NOS2: variants seen among roughly 807,000 people sequenced by gnomAD.
NOS2 encodes nitric oxide synthase 2.
Under a neutral mutation model 136.0 loss-of-function variants are expected in NOS2, and 96 were observed. That is an observed-to-expected ratio of 0.71 (90% confidence interval 0.60 to 0.84). The LOEUF (loss-of-function observed/expected upper bound fraction) is 0.84, where lower values mean the gene tolerates loss of function less well. Ranked by LOEUF, NOS2 falls within the 40% of genes least tolerant of loss-of-function variation. NOS2 has a pLI of 0.00. For missense variants in NOS2, 1,237 were observed against 1,496.9 expected, an observed-to-expected ratio of 0.83 and a Z score of 2.87; for synonymous variants, 539 against 587.5, an observed-to-expected ratio of 0.92 and a Z score of 1.20.
At chr17:27,770,505 T>A (rs558904849) in intron 15 of NOS2, among the ~76,000 whole-genome samples, 2 of 151,260 alleles carry the variant, frequency 1.3e-5, no homozygotes, top group South Asian at 4.2e-4. Flanking sequence ...AATAAATAAA[T>A]AAACAAACAA....
At chr17:27,767,000 CAAAAAAA>C (rs11428460) in intron 18 of NOS2, among the ~76,000 whole-genome samples, 1 of 42,790 alleles carries the variant, frequency 2.3e-5, no homozygotes, top group Non-Finnish European at 4.5e-5. Flanking sequence ...GACTCCGTCT[CAAAAAAA>C]AAAAAAAAAA....
intron 2 of NOS2, chr17:27,793,785 G>C (rs1157856201): frequency 2.6e-6 from 1 of 380,964 alleles, no homozygotes; most frequent in Non-Finnish European, 4.7e-6. Flanking sequence ...CCGCCCCGGG[G>C]GCGGGGCGAG....
chr17:27,777,566 G>C (rs1369935613), intron 11 of NOS2, among the ~76,000 whole-genome samples: 1 of 152,192 alleles, frequency 6.6e-6, no homozygotes, highest in Non-Finnish European at 1.5e-5. Flanking sequence ...GTCAGACAAG[G>C]ACTGAAGACC....
In NOS2 at chr17:27,778,982, C is replaced by A; in HGVS notation, c.1079G>T (p.Gly360Val). 2 of 1,612,746 alleles carry A rather than the reference C, an allele frequency of 1.2e-6. No homozygotes were observed. The highest frequency in any genetic ancestry group is 1.3e-5 in the African/African-American group (1 of 74,998). Residue 360 changes from glycine (G) to valine (V), a missense_variant, in exon 10 of 27, where the codon GGC (glycine) becomes GTC (valine). Gly to Val is a moderately radical substitution (Grantham distance 109, BLOSUM62 -3). Transcript: ENST00000313735. ...PAVANMLLEV[G>V]GLEFPGCPFN... The stretch of plus-strand genomic sequence containing the variant: ...GGGGCACCCTGGGAACTCCAGGCCG[C>A]CCACCTCAAGCAGCATGTTGGCCAC...
chr17:27,793,271 T>C (rs1024300353), intron 2 of NOS2, among the ~76,000 whole-genome samples: 1 of 152,148 alleles, frequency 6.6e-6, no homozygotes, highest in Non-Finnish European at 1.5e-5. Flanking sequence ...TTAACCATAT[T>C]TGATCCAAAG....
intron 17 of NOS2, among the ~76,000 whole-genome samples, chr17:27,768,483 T>C (rs185957830): frequency 2.7e-4 from 41 of 152,324 alleles, no homozygotes; most frequent in Middle Eastern, 6.8e-3. Context: ...CCTGCCCCGA[T>C]GCAAGCTGAT....
chr17:27,779,618 T>C (rs768841240), intron 9 of NOS2, among the ~76,000 whole-genome samples: 5 of 152,202 alleles, frequency 3.3e-5, no homozygotes, highest in Non-Finnish European at 2.9e-5. Flanking sequence ...AAATTATGCA[T>C]TCATGCACTC....
rs776263219 is a variant in NOS2, at chr17:27,788,946, A to T, written c.196-15T>A. 6.2e-7 allele frequency: 1 copy of T among 1,612,722 alleles called. No individual in the cohort carries two copies. ...TCTGGAGACTTCTGCAAGGGGAAAA[A>T]ACAGGGTTTTCTCTCAGGTCTCTCC... On this transcript the variant is annotated splice_polypyrimidine_tract_variant and intron_variant, in intron 3 of 26. Coordinates refer to ENST00000313735, the MANE Select transcript of NOS2 (RefSeq NM_000625.4).
intron 2 of NOS2, chr17:27,793,857 C>CCGGG (rs1400290701): frequency 2.7e-6 from 1 of 370,432 alleles, no homozygotes; most frequent in Non-Finnish European, 4.8e-6. Flanking sequence ...CCCTCCTTCC[C>CCGGG]TGCCTTCCCC....
chr17:27,799,855 G>A (rs910069589), intron 1 of NOS2, among the ~76,000 whole-genome samples: 3 of 151,902 alleles, frequency 2.0e-5, no homozygotes, highest in Non-Finnish European at 4.4e-5. Flanking sequence ...GGAAGGAAAG[G>A]AAGGAAAGAG....
At chr17:27,761,120 G>C in intron 23 of NOS2, 24 bp downstream of exon 23, 1 of 1,553,744 alleles carries the variant, frequency 6.4e-7, no homozygotes, top group Non-Finnish European at 8.7e-7. Flanking sequence ...GCCCCACAGG[G>C]GACAGAGTGG....
intron 14 of NOS2, among the ~76,000 whole-genome samples, 157 bp from the exon 15 acceptor site, chr17:27,771,174 C>T (rs1161071126): frequency 3.3e-5 from 5 of 152,188 alleles, no homozygotes; most frequent in African/African-American, 1.2e-4. Flanking sequence ...GCACAGAGGA[C>T]GTGAATGAAC....
intron 5 of NOS2, 105 bp from the exon 6 acceptor site, chr17:27,783,211 A>G: frequency 1.6e-6 from 2 of 1,277,582 alleles, no homozygotes; most frequent in Non-Finnish European, 2.2e-6. Flanking sequence ...CAGAAGGGCA[A>G]GATGCCTCTC....
At chr17:27,799,249 A>T (rs897083365) in intron 1 of NOS2, among the ~76,000 whole-genome samples, 1 of 152,162 alleles carries the variant, frequency 6.6e-6, no homozygotes, top group Non-Finnish European at 1.5e-5. Context: ...TCGTTGAAAC[A>T]GGGGTGCCTT....
chr17:27,770,408 C>G (rs1908452833), intron 15 of NOS2, among the ~76,000 whole-genome samples: 1 of 152,180 alleles, frequency 6.6e-6, no homozygotes, highest in South Asian at 2.1e-4. Context: ...ATCACTTGAA[C>G]CAGGGAGGCA....
chr17:27,761,056 G>C, intron 23 of NOS2, 88 bp downstream of exon 23: 1 of 1,242,212 alleles, frequency 8.1e-7, no homozygotes, highest in Non-Finnish European at 1.1e-6. Flanking sequence ...GGCTCCGAGC[G>C]TCTCCTAAAC....
chr17:27,777,102 T>C (rs1160607479), intron 11 of NOS2, among the ~76,000 whole-genome samples: 4 of 152,210 alleles, frequency 2.6e-5, no homozygotes, highest in Admixed American at 2.6e-4. Context: ...GGGGGGCTCT[T>C]CCTGTTCCAT....
intron 2 of NOS2, among the ~76,000 whole-genome samples, chr17:27,794,675 C>T (rs1482047332): frequency 6.6e-6 from 1 of 151,728 alleles, no homozygotes; most frequent in Non-Finnish European, 1.5e-5. Context: ...CCACATTTGC[C>T]TTTGTCCCTA....
intron 15 of NOS2, 107 bp downstream of exon 15, chr17:27,770,806 C>T: frequency 1.3e-6 from 1 of 760,804 alleles, no homozygotes; most frequent in South Asian, 1.6e-5. Context: ...GGCCTGAGCA[C>T]TGACTCCCAA....
Sources: allele counts gnomAD v4.1 joint callset (sites outside exome capture counted in the v4.1 genomes callset), GRCh38; gene constraint gnomAD v4.1.1; transcripts MANE v1.5; gene names NCBI Gene and HGNC (gene_info 2026-07-23, HGNC 2026-07-21).